TASP1: variants seen among roughly 807,000 people sequenced by gnomAD.
The protein encoded by TASP1 is taspase 1.
Under a neutral mutation model 56.6 loss-of-function variants are expected in TASP1, and 16 were observed. The observed-to-expected ratio is 0.28, with a 90% CI of 0.19 to 0.43. The LOEUF is 0.43. TASP1 is among the 20% of genes least tolerant of loss of function. The pLI is 1.00. For missense variants in TASP1, 393 were observed against 511.6 expected, an observed-to-expected ratio of 0.77 and a Z score of 2.24; for synonymous variants, 179 against 184.2, an observed-to-expected ratio of 0.97 and a Z score of 0.23.
At chr20:13,116,948 G>A in the TASP1 span, among the ~76,000 whole-genome samples, 71 of 152,218 alleles carry the variant, frequency 4.7e-4, no homozygotes, top group South Asian at 3.3e-3. Context: ...GAGACACCTC[G>A]GTCTTTGACT....
chr20:13,492,616 A>C (rs2043576028), intron 10 of TASP1, among the ~76,000 whole-genome samples: 1 of 152,198 alleles, frequency 6.6e-6, no homozygotes. Context: ...AGATGGAATA[A>C]GTGGTGAAGA....
Position 13,534,018 on chromosome 20 carries a change from T to G in TASP1, c.795+4A>C, listed in dbSNP as rs761658459. The G allele has an allele frequency of 4.3e-6, 7 of 1,609,700 alleles. No homozygotes were observed. Among genetic ancestry groups the G allele is most frequent in the Admixed American group, 3.4e-5 (2 of 58,786 alleles). On this transcript the variant is annotated splice_donor_region_variant and intron_variant, in intron 9 of 13. Coordinates refer to ENST00000337743, the MANE Select transcript of TASP1 (RefSeq NM_017714.3). ...GCTAGTTTAAAAAACCCATAATTAC[T>G]TACCTGCCCAACTCTCCCCGGATGT...
chr20:13,205,308 G>A, the TASP1 span, among the ~76,000 whole-genome samples: 3 of 152,014 alleles, frequency 2.0e-5, no homozygotes, highest in African/African-American at 7.2e-5. Context: ...TCTTTTGCCC[G>A]GAAATCTCTT....
the TASP1 span, among the ~76,000 whole-genome samples, chr20:13,162,915 A>C: frequency 0.17 from 25,901 of 151,806 alleles, 2,196 homozygotes; most frequent in East Asian, 0.22. Flanking sequence ...CTCCCATCTC[A>C]GCAAGCTAAA....
At chr20:13,172,228 A>C in the TASP1 span, among the ~76,000 whole-genome samples, 1 of 152,104 alleles carries the variant, frequency 6.6e-6, no homozygotes, top group African/African-American at 2.4e-5. Context: ...TTTTTATCTA[A>C]ATACACCTTC....
the TASP1 span, among the ~76,000 whole-genome samples, chr20:13,352,320 C>T: frequency 6.6e-5 from 10 of 152,060 alleles, no homozygotes; most frequent in Non-Finnish European, 1.3e-4. Context: ...CGTGGTGGAG[C>T]ACGCCTGTAA....
At chr20:13,108,645 GCTCAC>G in the TASP1 span, among the ~76,000 whole-genome samples, 1 of 151,970 alleles carries the variant, frequency 6.6e-6, no homozygotes, top group East Asian at 1.9e-4. Flanking sequence ...TGTGATCTCG[GCTCAC>G]TGCAACATCC....
At chr20:13,524,017 T>C (rs1422486102) in intron 10 of TASP1, among the ~76,000 whole-genome samples, 1 of 151,966 alleles carries the variant, frequency 6.6e-6, no homozygotes, top group Non-Finnish European at 1.5e-5. Context: ...GGTGTGATGG[T>C]GTGCACCTGT....
downstream of TASP1, among the ~76,000 whole-genome samples, chr20:13,389,225 C>T (rs1200681656): frequency 6.6e-6 from 1 of 152,188 alleles, no homozygotes; most frequent in South Asian, 2.1e-4. Context: ...ATTTTAGGGA[C>T]TTCCATATTG....
the TASP1 span, among the ~76,000 whole-genome samples, chr20:13,323,732 G>A: frequency 1.1e-3 from 170 of 152,230 alleles, no homozygotes; most frequent in Admixed American, 1.8e-3. Flanking sequence ...GTTCTTAAAT[G>A]AGAGTATTTA....
At chr20:13,637,551 C>T (rs1003734640) in intron 1 of TASP1, among the ~76,000 whole-genome samples, 1 of 152,192 alleles carries the variant, frequency 6.6e-6, no homozygotes, top group Non-Finnish European at 1.5e-5. Flanking sequence ...GAACATTACC[C>T]ATCCATAAAA....
At chr20:13,598,580 C>T in intron 4 of TASP1, among the ~76,000 whole-genome samples, 1 of 152,110 alleles carries the variant, frequency 6.6e-6, no homozygotes, top group South Asian at 2.1e-4. Context: ...CATAAAAACC[C>T]TAGAAGAAAA....
intron 8 of TASP1, among the ~76,000 whole-genome samples, chr20:13,542,500 T>C (rs527768461): frequency 3.3e-5 from 5 of 152,286 alleles, no homozygotes; most frequent in African/African-American, 1.2e-4. Flanking sequence ...GTGAATAGCA[T>C]ATTAAAAAGC....
intron 10 of TASP1, among the ~76,000 whole-genome samples, chr20:13,505,114 G>C (rs1243842770): frequency 6.6e-6 from 1 of 151,926 alleles, no homozygotes; most frequent in Admixed American, 6.6e-5. Context: ...AAGACAGCGG[G>C]GGAGCTATAT....
chr20:13,531,667 CTGTTT>C (rs1360831860), intron 9 of TASP1, among the ~76,000 whole-genome samples: 2 of 151,296 alleles, frequency 1.3e-5, no homozygotes, highest in Non-Finnish European at 3.0e-5. Flanking sequence ...AATTTTTGTT[CTGTTT>C]TGTTTTGTTT....
chr20:13,158,287 T>G, the TASP1 span, among the ~76,000 whole-genome samples: 1 of 152,188 alleles, frequency 6.6e-6, no homozygotes, highest in Non-Finnish European at 1.5e-5. Context: ...ATATAAAATT[T>G]CCAGTGCAAT....
At chr20:13,466,578 C>T (rs932837218) in intron 11 of TASP1, among the ~76,000 whole-genome samples, 1 of 151,950 alleles carries the variant, frequency 6.6e-6, no homozygotes, top group Non-Finnish European at 1.5e-5. Context: ...AACCCCGTCA[C>T]CACTAAAAAT....
chr20:13,445,968 GT>G (rs1436860968), intron 11 of TASP1, among the ~76,000 whole-genome samples: 1 of 152,142 alleles, frequency 6.6e-6, no homozygotes, highest in Admixed American at 6.6e-5. Flanking sequence ...TTAAGAATCA[GT>G]TCTGTACCAA....
At chr20:13,626,577 C>T (rs532043754) in intron 2 of TASP1, among the ~76,000 whole-genome samples, 24 of 152,298 alleles carry the variant, frequency 1.6e-4, no homozygotes, top group Admixed American at 1.4e-3. Context: ...CACTCACCCA[C>T]GAAACTGTCG....
Sources: allele counts gnomAD v4.1 joint callset (sites outside exome capture counted in the v4.1 genomes callset), GRCh38; gene constraint gnomAD v4.1.1; transcripts MANE v1.5; gene names NCBI Gene and HGNC (gene_info 2026-07-23, HGNC 2026-07-21).